The following CNTNAP5 variants were observed in gnomAD, a reference collection of about 807,000 sequenced individuals.
CNTNAP5 encodes the protein contactin-associated protein-like 5.
In CNTNAP5, 72 loss-of-function variants were observed where a neutral mutation model predicts 150.2. That is an observed-to-expected ratio of 0.48 (90% CI 0.40 to 0.58). CNTNAP5 has a LOEUF of 0.58. Among genes scored for constraint, CNTNAP5 ranks in the 20% least tolerant of loss-of-function variants. CNTNAP5 has a pLI of 0.00. For missense variants in CNTNAP5, 1,636 were observed against 1,626.2 expected (o/e 1.01, Z -0.10); for synonymous variants, 672 against 619.8 (o/e 1.08, Z -1.25).
intron 1 of CNTNAP5, among the ~76,000 whole-genome samples, chr2:124,125,711 G>A (rs886581762): frequency 6.6e-6 from 1 of 152,086 alleles, no homozygotes; most frequent in Non-Finnish European, 1.5e-5. Flanking sequence ...ATAACAAACT[G>A]TCTCTCAGAT....
chr2:124,642,246 C>A (rs1678108882), intron 12 of CNTNAP5, among the ~76,000 whole-genome samples: 1 of 152,068 alleles, frequency 6.6e-6, no homozygotes, highest in Non-Finnish European at 1.5e-5. Context: ...ACTCTGCTGG[C>A]TCTTTGTACA....
intron 1 of CNTNAP5, among the ~76,000 whole-genome samples, chr2:124,114,318 T>G (rs190938206): frequency 6.6e-6 from 1 of 152,160 alleles, no homozygotes; most frequent in Admixed American, 6.5e-5. Flanking sequence ...GTTTTAAAAT[T>G]TTCTAAATAC....
chr2:124,516,781 T>TA (rs890922826), intron 8 of CNTNAP5, among the ~76,000 whole-genome samples: 3 of 152,040 alleles, frequency 2.0e-5, no homozygotes, highest in Non-Finnish European at 2.9e-5. Flanking sequence ...CTTCAAAACA[T>TA]AAAAAAAGAT....
At chr2:124,331,731 A>G (rs541900746) in intron 3 of CNTNAP5, among the ~76,000 whole-genome samples, 17 of 152,110 alleles carry the variant, frequency 1.1e-4, no homozygotes, top group South Asian at 2.1e-4. Flanking sequence ...AAAAAAAATT[A>G]TTTACTCTTT....
intron 1 of CNTNAP5, among the ~76,000 whole-genome samples, chr2:124,040,251 A>G (rs1681330034): frequency 6.6e-6 from 1 of 152,080 alleles, no homozygotes; most frequent in African/African-American, 2.4e-5. Context: ...GTGAACTTCA[A>G]ATGTATTCGG....
intron 16 of CNTNAP5, among the ~76,000 whole-genome samples, chr2:124,771,496 CT>C (rs1488362979): frequency 2.0e-5 from 3 of 152,154 alleles, no homozygotes; most frequent in Admixed American, 1.3e-4. Context: ...TTTCTGTGCA[CT>C]TTAGTTTTCT....
intron 1 of CNTNAP5, among the ~76,000 whole-genome samples, chr2:124,210,694 T>C (rs1050903042): frequency 3.9e-5 from 6 of 152,200 alleles, no homozygotes; most frequent in African/African-American, 1.4e-4. Flanking sequence ...CTAATTGCTG[T>C]GACTCTCTTG....
intron 19 of CNTNAP5, among the ~76,000 whole-genome samples, chr2:124,844,188 T>A (rs1683000552): frequency 6.6e-6 from 1 of 152,136 alleles, no homozygotes; most frequent in South Asian, 2.1e-4. Flanking sequence ...AATTTTTGTA[T>A]AAGATGAGAG....
At chr2:124,234,924 T>C (rs1323071360) in intron 2 of CNTNAP5, among the ~76,000 whole-genome samples, 1 of 152,156 alleles carries the variant, frequency 6.6e-6, no homozygotes, top group Admixed American at 6.6e-5. Flanking sequence ...CTGTTCGTGC[T>C]CATATGCCTC....
chr2:124,443,156 G>A (rs1460001865), intron 5 of CNTNAP5, among the ~76,000 whole-genome samples: 1 of 151,402 alleles, frequency 6.6e-6, no homozygotes, highest in Non-Finnish European at 1.5e-5. Flanking sequence ...AAGATCTAAA[G>A]TAAATAGAAA....
intron 13 of CNTNAP5, among the ~76,000 whole-genome samples, chr2:124,730,708 A>G (rs1573578857): frequency 6.6e-6 from 1 of 152,112 alleles, no homozygotes; most frequent in Non-Finnish European, 1.5e-5. Flanking sequence ...AAAATTGCCA[A>G]TTTCATATAT....
intron 21 of CNTNAP5, among the ~76,000 whole-genome samples, chr2:124,890,631 G>T (rs1455234263): frequency 6.6e-6 from 1 of 152,150 alleles, no homozygotes; most frequent in Non-Finnish European, 1.5e-5. Context: ...TGCAAAGCCA[G>T]ATTTGCTTGA....
chr2:124,688,403 C>G (rs749322344), intron 13 of CNTNAP5, among the ~76,000 whole-genome samples: 1 of 151,946 alleles, frequency 6.6e-6, no homozygotes, highest in Non-Finnish European at 1.5e-5. Context: ...ATCGCTACCA[C>G]TTGAGGTATT....
chr2:124,080,936 A>G (rs1266492033), intron 1 of CNTNAP5, among the ~76,000 whole-genome samples: 17 of 152,122 alleles, frequency 1.1e-4, no homozygotes, highest in Admixed American at 1.1e-3. Flanking sequence ...CATCCTTGAC[A>G]TGTTTGTTAG....
intron 2 of CNTNAP5, among the ~76,000 whole-genome samples, chr2:124,236,821 G>C (rs1033755250): frequency 5.3e-5 from 8 of 152,048 alleles, no homozygotes; most frequent in African/African-American, 1.9e-4. Flanking sequence ...TGGTCAGGCT[G>C]TATTTTTAAA....
At chr2:124,214,980 GA>G (rs2104730681) in intron 1 of CNTNAP5, among the ~76,000 whole-genome samples, 1 of 152,240 alleles carries the variant, frequency 6.6e-6, no homozygotes, top group South Asian at 2.1e-4. Flanking sequence ...GTTTCATCGT[GA>G]AGAATGGGGG....
At chr2:124,783,335 G>A (rs1486035172) in intron 17 of CNTNAP5, among the ~76,000 whole-genome samples, 1 of 152,096 alleles carries the variant, frequency 6.6e-6, no homozygotes, top group East Asian at 1.9e-4. Flanking sequence ...GGTTTTATAA[G>A]TAGTTCCCCA....
intron 19 of CNTNAP5, among the ~76,000 whole-genome samples, chr2:124,809,762 G>T (rs935009368): frequency 2.6e-5 from 4 of 152,148 alleles, no homozygotes; most frequent in Non-Finnish European, 2.9e-5. Flanking sequence ...AAAATGTAAT[G>T]TCCAATATCT....
chr2:124,711,005 G>T (rs1377281090), intron 13 of CNTNAP5, among the ~76,000 whole-genome samples: 1 of 152,148 alleles, frequency 6.6e-6, no homozygotes, highest in Non-Finnish European at 1.5e-5. Flanking sequence ...GGGCACGGTG[G>T]CTCACGCCTG....
Sources: allele counts gnomAD v4.1 joint callset (sites outside exome capture counted in the v4.1 genomes callset), GRCh38; gene constraint gnomAD v4.1.1; transcripts MANE v1.5; gene names NCBI Gene and HGNC (gene_info 2026-07-23, HGNC 2026-07-21).